Variants in RYR3 observed in about 807,000 individuals in gnomAD.
RYR3 encodes ryanodine receptor 3.
RYR3 carries 207 observed loss-of-function variants against 584.3 expected under a neutral mutation model. That is an observed-to-expected ratio of 0.35 (90% CI 0.32 to 0.40). RYR3 has a LOEUF of 0.40. RYR3 is among the 10% of genes least tolerant of loss of function. The probability of loss-of-function intolerance (pLI) is 1.00; values close to 1 mark genes in which losing one functional copy is unlikely to be tolerated. For missense variants in RYR3, 5,616 were observed against 6,089.2 expected, an observed-to-expected ratio of 0.92 and a Z score of 2.59; for synonymous variants, 2,416 against 2,248.5, an observed-to-expected ratio of 1.07 and a Z score of -2.11.
At chr15:33,332,799 A>C (rs1430212169) in intron 1 of RYR3, among the ~76,000 whole-genome samples, 1 of 152,142 alleles carries the variant, frequency 6.6e-6, no homozygotes, top group African/African-American at 2.4e-5. Context: ...TATGTGTTGT[A>C]GCTCAAGCAA....
At chr15:33,590,733 C>A (rs612491) in intron 16 of RYR3, among the ~76,000 whole-genome samples, 100,308 of 150,982 alleles carry the variant, frequency 0.66, 33,462 homozygotes, top group East Asian at 0.77. Flanking sequence ...TGGAGAGCTC[C>A]TATGGGTTCA....
At chr15:33,829,463 T>C (rs1283714398) in intron 85 of RYR3, among the ~76,000 whole-genome samples, 1 of 152,094 alleles carries the variant, frequency 6.6e-6, no homozygotes, top group Non-Finnish European at 1.5e-5. Context: ...TAAAAAACAT[T>C]GTGGGCCAGG....
chr15:33,663,724 C>A lies in RYR3; in HGVS notation c.5606C>A (p.Pro1869His), dbSNP rs1405712740. The A allele has an allele frequency of 6.2e-7, 1 of 1,606,612 alleles. No homozygotes were observed. Among genetic ancestry groups the A allele is most frequent in the Non-Finnish European group, 8.5e-7 (1 of 1,177,290 alleles). Residue 1869 changes from proline to histidine, a missense_variant, in exon 36 of 104, where the codon CCC becomes CAC. By Grantham distance (77) the Pro-to-His change is moderately conservative. Around this residue, in one of 9 missense-constraint regions of RYR3, gnomAD observed 1,280 missense variants for 1,426.2 expected, o/e 0.90. Transcript: ENST00000634891. Reference sequence around the variant, plus strand: ...CGGAAGACCAAGGAGTTCCGCTCACCCCCACAGGAGCAGGTGAGGGTCCTT... The same window carrying A: ...CGGAAGACCAAGGAGTTCCGCTCACACCCACAGGAGCAGGTGAGGGTCCTT... ...TARKTKEFRS[P>H]PQEQINMLLN...
intron 43 of RYR3, among the ~76,000 whole-genome samples, chr15:33,718,420 T>C (rs11858976): frequency 0.12 from 18,653 of 152,124 alleles, 2,814 homozygotes; most frequent in African/African-American, 0.36. Context: ...GAGCACACAG[T>C]GTTAGATAAT....
chr15:33,659,361 G>A (rs1360670363), intron 32 of RYR3, among the ~76,000 whole-genome samples: 2 of 152,220 alleles, frequency 1.3e-5, no homozygotes, highest in African/African-American at 4.8e-5. Flanking sequence ...TTTGGGCTCT[G>A]TGAAGAGCAA....
At chr15:33,848,484 C>A in intron 94 of RYR3, 63 bp downstream of exon 94, 1 of 1,529,046 alleles carries the variant, frequency 6.5e-7, no homozygotes, top group Non-Finnish European at 8.8e-7. Context: ...TAGAGTAACT[C>A]TTTCCTCCTG....
At chr15:33,760,957 G>T (rs143533384) in intron 60 of RYR3, among the ~76,000 whole-genome samples, 338 of 152,232 alleles carry the variant, frequency 2.2e-3, no homozygotes, top group Non-Finnish European at 4.0e-3. Context: ...ACTCAAAACT[G>T]CACAAGAACA....
chr15:33,666,374 A>C (rs954169787), intron 36 of RYR3, among the ~76,000 whole-genome samples: 2 of 152,170 alleles, frequency 1.3e-5, no homozygotes, highest in Admixed American at 6.5e-5. Flanking sequence ...GCAAGTTTTC[A>C]GGTAATGCTG....
intron 12 of RYR3, among the ~76,000 whole-genome samples, chr15:33,573,090 T>A (rs1236976067): frequency 6.8e-6 from 1 of 147,860 alleles, no homozygotes; most frequent in African/African-American, 2.5e-5. Flanking sequence ...CCAATTTTTT[T>A]ATTATTTTGT....
chr15:33,686,516 A>G (rs533907776), intron 38 of RYR3, among the ~76,000 whole-genome samples: 2 of 152,340 alleles, frequency 1.3e-5, no homozygotes, highest in South Asian at 4.1e-4. Flanking sequence ...AGCTGGTACG[A>G]TTCCTTTGGA....
At position 33,472,343 on chromosome 15, in the gene RYR3, G is replaced by A. The variant is rs1365539860; in HGVS notation, c.52-1076G>A. 2.0e-5 allele frequency among the ~76,000 whole-genome samples: 3 copies of A among 152,194 alleles called. No homozygotes were observed. The East Asian group carries it at 5.8e-4, about 29-fold the overall frequency. On this transcript the variant is annotated intron_variant, in intron 1 of 103. Coordinates refer to ENST00000634891, the MANE Select transcript of RYR3 (RefSeq NM_001036.6). ...TTCTTCACTTCGTAGGCACATTCTAGACACAGTTTAAGAAAAATGATTTCT... is the reference window on the plus strand; with the variant it reads ...TTCTTCACTTCGTAGGCACATTCTAAACACAGTTTAAGAAAAATGATTTCT...
intron 60 of RYR3, among the ~76,000 whole-genome samples, chr15:33,766,019 G>A (rs902632081): frequency 5.3e-5 from 8 of 152,208 alleles, no homozygotes; most frequent in Admixed American, 2.0e-4. Flanking sequence ...GGTGGCTCAC[G>A]CTTGTAATCC....
intron 67 of RYR3, among the ~76,000 whole-genome samples, chr15:33,797,941 T>C (rs1214431359): frequency 2.0e-5 from 3 of 152,206 alleles, no homozygotes; most frequent in Admixed American, 2.0e-4. Flanking sequence ...TGAATTGCAT[T>C]TGGCTGCTAG....
intron 1 of RYR3, among the ~76,000 whole-genome samples, chr15:33,451,689 A>C (rs576571554): frequency 6.6e-6 from 1 of 152,224 alleles, no homozygotes; most frequent in Non-Finnish European, 1.5e-5. Flanking sequence ...GTGACATAGC[A>C]AGGAAGATGG....
intron 28 of RYR3, among the ~76,000 whole-genome samples, chr15:33,646,054 A>G (rs1445608630): frequency 3.3e-5 from 5 of 152,198 alleles, no homozygotes; most frequent in Non-Finnish European, 5.9e-5. Flanking sequence ...TGTGAACACT[A>G]TGCTGTGTCT....
At chr15:33,705,596 G>A (rs2066650900) in intron 42 of RYR3, among the ~76,000 whole-genome samples, 2 of 152,222 alleles carry the variant, frequency 1.3e-5, no homozygotes, top group South Asian at 4.1e-4. Flanking sequence ...CTGCTGAAAA[G>A]TAGAACAGAA....
intron 63 of RYR3, 37 bp from the exon 64 acceptor site, chr15:33,773,497 A>G (rs1460035517): frequency 1.8e-5 from 26 of 1,449,912 alleles, no homozygotes; most frequent in Non-Finnish European, 2.5e-5. Context: ...TGTATTCAGG[A>G]TTGATGCAAA....
chr15:33,312,290 C>T lies in RYR3; in HGVS notation c.51+1194C>T, dbSNP rs557870461. ...TCTTGTCCATCTTTTGAACCACTCTCCTCCTGTTGAAGCGCTTCCTTCCAA... is the reference window on the plus strand; with the variant it reads ...TCTTGTCCATCTTTTGAACCACTCTTCTCCTGTTGAAGCGCTTCCTTCCAA... On this transcript the variant is annotated intron_variant, in intron 1 of 103. Transcript: ENST00000634891. 9.8e-5 allele frequency among the ~76,000 whole-genome samples: 15 copies of T among 152,286 alleles called. No individual in the cohort carries two copies. In the East Asian group the frequency reaches 2.9e-3, roughly 29 times the overall value.
chr15:33,432,927 G>T (rs1000185086), intron 1 of RYR3, among the ~76,000 whole-genome samples: 2 of 151,632 alleles, frequency 1.3e-5, no homozygotes, highest in African/African-American at 4.9e-5. Context: ...CAACTCTTTG[G>T]CCTAAATTAA....
Sources: gnomAD v4.1 joint callset for allele counts (sites outside exome capture counted in the v4.1 genomes callset) on GRCh38, gnomAD v4.1.1 for gene constraint, gnomAD v4.1.1 regional missense constraint, MANE v1.5 for transcripts, NCBI Gene and HGNC (gene_info 2026-07-23, HGNC 2026-07-21) for gene names.